The following CCSER2 variants were observed in gnomAD, a reference collection of about 807,000 sequenced individuals.
CCSER2 encodes the protein serine-rich coiled-coil domain-containing protein 2.
In CCSER2, 46 loss-of-function variants were observed where a neutral mutation model predicts 92.3. That is an observed-to-expected ratio of 0.50 (90% CI 0.39 to 0.64). The LOEUF is 0.64. Ranked by LOEUF, CCSER2 falls within the 30% of genes least tolerant of loss-of-function variation. The pLI is 0.00. For missense variants in CCSER2, 1,244 were observed against 1,238.9 expected (o/e 1.00, Z -0.06); for synonymous variants, 433 against 431.4 (o/e 1.00, Z -0.04).
chr10:84,503,768 G>A (rs565823176), intron 9 of CCSER2, among the ~76,000 whole-genome samples: 1 of 152,124 alleles, frequency 6.6e-6, no homozygotes, highest in East Asian at 1.9e-4. Flanking sequence ...GTGACTTAAT[G>A]CGAAGGGAAA....
At chr10:84,392,737 G>A (rs1466310130) in intron 3 of CCSER2, among the ~76,000 whole-genome samples, 2 of 152,142 alleles carry the variant, frequency 1.3e-5, no homozygotes, top group Admixed American at 6.5e-5. Context: ...TGCCAAATGA[G>A]TCACTCCTTT....
chr10:84,439,870 C>G (rs1412364241), intron 6 of CCSER2, among the ~76,000 whole-genome samples: 1 of 152,148 alleles, frequency 6.6e-6, no homozygotes, highest in Non-Finnish European at 1.5e-5. Flanking sequence ...TAGTGTTTTT[C>G]TGTTGGCTGG....
intron 1 of CCSER2, among the ~76,000 whole-genome samples, chr10:84,356,199 T>C (rs1227861504): frequency 6.6e-6 from 1 of 152,078 alleles, no homozygotes; most frequent in African/African-American, 2.4e-5. Flanking sequence ...TGAGTTCTGT[T>C]AGTCCTAAGC....
At chr10:84,467,649 A>G (rs948277874) in intron 7 of CCSER2, among the ~76,000 whole-genome samples, 24 of 152,122 alleles carry the variant, frequency 1.6e-4, no homozygotes, top group African/African-American at 5.8e-4. Flanking sequence ...CCTCCCCCCT[A>G]CTGCCCACCC....
Position 84,513,711 on chromosome 10 carries a change from T to C in CCSER2, c.2588T>C (p.Ile863Thr). The C allele has an allele frequency of 6.5e-7, 1 of 1,539,008 alleles. No homozygotes were observed. Among genetic ancestry groups the C allele is most frequent in the Non-Finnish European group, 8.7e-7 (1 of 1,147,450 alleles). ...ACACCTTCTGAAGCAAACTTAAACA[T>C]TACTGTAAATGCTCAAGAGCCTTAT... is the stretch of plus-strand genomic sequence containing the variant. ...KSTPSEANLN[I>T]TVNAQEPYHL... The change falls in exon 10 of 10, where the codon ATT (isoleucine) becomes ACT (threonine). Residue 863 changes from isoleucine to threonine, a missense_variant. Physicochemically the swap from Ile to Thr is moderately conservative, Grantham distance 89 (BLOSUM62 -1). Coordinates refer to ENST00000372088, the MANE Select transcript of CCSER2 (RefSeq NM_001284240.2).
At chr10:84,336,824 G>A (rs762665742) in intron 1 of CCSER2, among the ~76,000 whole-genome samples, 3 of 149,062 alleles carry the variant, frequency 2.0e-5, no homozygotes, top group Non-Finnish European at 2.9e-5. Context: ...TTTAGCAGGC[G>A]CAGCAGTAAT....
chr10:84,504,906 TC>T (rs948077874), intron 9 of CCSER2, among the ~76,000 whole-genome samples: 8 of 152,168 alleles, frequency 5.3e-5, no homozygotes, highest in Admixed American at 1.3e-4. Context: ...ATAATTAAAT[TC>T]TGTTCTACTT....
chr10:84,411,730 G>C (rs937195308), intron 3 of CCSER2, among the ~76,000 whole-genome samples: 1 of 152,240 alleles, frequency 6.6e-6, no homozygotes, highest in Admixed American at 6.5e-5. Flanking sequence ...GGGTTTTCTA[G>C]ATATAGAATT....
chr10:84,438,718 A>T lies in CCSER2; in HGVS notation c.2064+11A>T. On this transcript the variant is annotated intron_variant, in intron 6 of 9. Transcript: ENST00000372088. ...CGTCTCCTGCATCAGGTGAGTACATAATGAACATTTCCAGCTCTGATATTT... is the reference window on the plus strand; with the variant it reads ...CGTCTCCTGCATCAGGTGAGTACATTATGAACATTTCCAGCTCTGATATTT... 1 of 1,517,350 alleles carries T rather than the reference A, an allele frequency of 6.6e-7. No individual in the cohort carries two copies. The highest frequency in any genetic ancestry group is 1.3e-5 in the South Asian group (1 of 78,630). 94.0% of individuals were successfully genotyped at this position (1,517,350 alleles called of 1,614,324 possible).
chr10:84,344,216 AT>A (rs1445763394), intron 1 of CCSER2, among the ~76,000 whole-genome samples: 9 of 152,258 alleles, frequency 5.9e-5, no homozygotes, highest in Non-Finnish European at 8.8e-5. Context: ...GATTTGTCTT[AT>A]TTGTGCCGTC....
intron 9 of CCSER2, among the ~76,000 whole-genome samples, chr10:84,483,847 A>T (rs1367702216): frequency 7.1e-6 from 1 of 141,756 alleles, no homozygotes; most frequent in Non-Finnish European, 1.5e-5. Context: ...AGTCAGTGGC[A>T]TGATCTCAGC....
chr10:84,339,914 T>C (rs1210496986), intron 1 of CCSER2, among the ~76,000 whole-genome samples: 1 of 152,186 alleles, frequency 6.6e-6, no homozygotes, highest in Non-Finnish European at 1.5e-5. Flanking sequence ...CAATCTCTGC[T>C]CACAGCAGCC....
chr10:84,515,079 C>T lies in CCSER2; in HGVS notation c.*812C>T, dbSNP rs770343082. On this transcript the variant is annotated 3_prime_UTR_variant, in exon 10 of 10. Coordinates refer to ENST00000372088, the MANE Select transcript of CCSER2 (RefSeq NM_001284240.2). ...TACCTAAAGATGTATTCATTTGTAA[C>T]ATATGTTGGTGCTAGAGTTTTGCTG... 5 of 152,632 alleles carry T rather than the reference C, an allele frequency of 3.3e-5. No individual in the cohort carries two copies. Among genetic ancestry groups the T allele is most frequent in the Admixed American group, 1.3e-4 (2 of 15,290 alleles). 9.5% of individuals were successfully genotyped at this position (152,632 alleles called of 1,614,324 possible).
chr10:84,368,520 T>C (rs1454894970), intron 1 of CCSER2, among the ~76,000 whole-genome samples: 4 of 152,144 alleles, frequency 2.6e-5, no homozygotes, highest in Admixed American at 2.0e-4. Flanking sequence ...TAATAACATG[T>C]ATTATAGGAA....
intron 6 of CCSER2, among the ~76,000 whole-genome samples, chr10:84,445,452 C>G (rs891001067): frequency 6.6e-6 from 1 of 152,270 alleles, no homozygotes; most frequent in Admixed American, 6.5e-5. Context: ...CGCACCTGGC[C>G]GGTATCTCTT....
chr10:84,343,770 A>T lies in CCSER2; in HGVS notation c.-40+14962A>T, dbSNP rs140393793. On this transcript the variant is annotated intron_variant, in intron 1 of 9. Coordinates refer to ENST00000372088, the MANE Select transcript of CCSER2 (RefSeq NM_001284240.2). ...ATATGTGCCAGAAAGGATCTTGTAG[A>T]CATTTTATTAATGGGCTAGAAAAGA... Among the ~76,000 whole-genome samples the T allele has an allele frequency of 1.6e-4, 24 of 152,344 alleles. No homozygotes were observed. The East Asian group carries it at 4.6e-3, about 29-fold the overall frequency.
At chr10:84,480,912 CAA>C (rs1341167184) in intron 9 of CCSER2, among the ~76,000 whole-genome samples, 1 of 151,970 alleles carries the variant, frequency 6.6e-6, no homozygotes, top group Non-Finnish European at 1.5e-5. Flanking sequence ...TTTACTAAAC[CAA>C]AATGAAGAAA....
chr10:84,368,973 A>G (rs956039707), intron 1 of CCSER2, among the ~76,000 whole-genome samples: 3 of 152,178 alleles, frequency 2.0e-5, no homozygotes, highest in African/African-American at 4.8e-5. Context: ...CTTCAGAATA[A>G]TGGCCTCCAT....
chr10:84,421,304 C>T (rs1292469714), intron 4 of CCSER2, among the ~76,000 whole-genome samples: 1 of 152,166 alleles, frequency 6.6e-6, no homozygotes, highest in Non-Finnish European at 1.5e-5. Flanking sequence ...AATCCATTCT[C>T]ACGCTGCTAT....
Sources: allele counts gnomAD v4.1 joint callset (sites outside exome capture counted in the v4.1 genomes callset), GRCh38; gene constraint gnomAD v4.1.1; transcripts MANE v1.5; gene names NCBI Gene and HGNC (gene_info 2026-07-23, HGNC 2026-07-21).